Variants in ZRANB1 observed in about 807,000 individuals in gnomAD.
ZRANB1 encodes the protein zinc finger RANBP2-type containing 1, also known as ubiquitin thioesterase ZRANB1.
In ZRANB1, 16 loss-of-function variants were observed where a neutral mutation model predicts 80.5. The ratio of observed to expected loss-of-function variants is 0.20; its 90% CI spans 0.13 to 0.30. The LOEUF is 0.30. Ranked by LOEUF, ZRANB1 falls within the 10% of genes least tolerant of loss-of-function variation. The pLI, the probability that ZRANB1 is intolerant of heterozygous loss-of-function variation, is 1.00. For synonymous variants in ZRANB1, 291 were observed against 293.1 expected (o/e 0.99, Z 0.07); for missense variants, 576 against 862.6 (o/e 0.67, Z 4.16).
rs550936582 is a variant in ZRANB1, at chr10:124,982,484, C to T, written c.1548+655C>T. On this transcript the variant is annotated intron_variant, in intron 6 of 8. Coordinates refer to ENST00000359653, the MANE Select transcript of ZRANB1 (RefSeq NM_017580.3). Reference sequence around the variant, plus strand: ...AATGAAGGCTGCTTGTGACACAGAACTGTGTAGGGTTGTCCCTTAGACTCT... The same window carrying T: ...AATGAAGGCTGCTTGTGACACAGAATTGTGTAGGGTTGTCCCTTAGACTCT... Among the ~76,000 whole-genome samples, 3 of 152,306 alleles carry T rather than the reference C, an allele frequency of 2.0e-5. No individual in the cohort carries two copies. In the South Asian group the frequency reaches 6.2e-4, roughly 32 times the overall value.
At chr10:124,943,842 A>G (rs990340242) in intron 1 of ZRANB1, among the ~76,000 whole-genome samples, 1 of 152,238 alleles carries the variant, frequency 6.6e-6, no homozygotes, top group African/African-American at 2.4e-5. Flanking sequence ...AAGTATTTGT[A>G]AACAGTGTGA....
At chr10:124,951,815 G>T (rs1244992071) in intron 1 of ZRANB1, among the ~76,000 whole-genome samples, 1 of 151,870 alleles carries the variant, frequency 6.6e-6, no homozygotes, top group African/African-American at 2.4e-5. Flanking sequence ...AAATTAGCTG[G>T]GTGTGGTGGC....
Position 124,966,640 on chromosome 10 carries a change from A to G in ZRANB1, c.861A>G (p.Ser287=), listed in dbSNP as rs746291884. The change falls in exon 2 of 9, where the codon TCA becomes TCG. Residue 287 remains serine (S), a synonymous_variant. Transcript: ENST00000359653. ...CTGCCATAGAAGCATACAAGTCATC[A>G]GGAGGAGACATTGCACGTCAGCTCA... The part of the protein sequence containing the change: ...DLAAIEAYKS[S]GGDIARQLTA... 9 of 1,614,200 alleles carry G rather than the reference A, an allele frequency of 5.6e-6. No homozygotes were observed. The highest frequency in any genetic ancestry group is 6.8e-6 in the Non-Finnish European group (8 of 1,180,024).
intron 5 of ZRANB1, among the ~76,000 whole-genome samples, chr10:124,977,503 A>T (rs539565700): frequency 6.6e-6 from 1 of 151,784 alleles, no homozygotes; most frequent in South Asian, 2.1e-4. Context: ...TGAGCCTAGG[A>T]GTTCAAGACA....
At chr10:124,963,546 T>G (rs565873712) in intron 1 of ZRANB1, among the ~76,000 whole-genome samples, 1,792 of 130,788 alleles carry the variant, frequency 0.014, 35 homozygotes, top group African/African-American at 0.046. Flanking sequence ...GGTTTTTTTT[T>G]TTTGTTTGTT....
upstream of ZRANB1, among the ~76,000 whole-genome samples, chr10:124,939,089 T>C (rs1235138915): frequency 6.6e-6 from 1 of 152,046 alleles, no homozygotes; most frequent in East Asian, 1.9e-4. Flanking sequence ...AGGCAGGAGA[T>C]TCACTTGAAC....
chr10:124,971,862 C>A (rs1951828959), intron 2 of ZRANB1, 103 bp from the exon 3 acceptor site: 1 of 1,125,998 alleles, frequency 8.9e-7, no homozygotes, highest in Non-Finnish European at 1.2e-6. Context: ...TTAAAGAAAA[C>A]CTTGAGTTAT....
At chr10:124,955,267 A>C (rs1951680050) in intron 1 of ZRANB1, among the ~76,000 whole-genome samples, 1 of 149,002 alleles carries the variant, frequency 6.7e-6, no homozygotes, top group South Asian at 2.1e-4. Context: ...ACAGGGTCTT[A>C]CTGTGTTGCG....
chr10:124,922,279 A>ATAT, the ZRANB1 span, among the ~76,000 whole-genome samples: 14 of 37,816 alleles, frequency 3.7e-4, no homozygotes, highest in African/African-American at 7.6e-4. Context: ...ATATATATGT[A>ATAT]AAATATATAT....
At chr10:124,954,140 G>GTTT (rs55962412) in intron 1 of ZRANB1, among the ~76,000 whole-genome samples, 3,836 of 52,576 alleles carry the variant, frequency 0.073, 666 homozygotes, top group African/African-American at 0.094. Context: ...GCTAATTCCT[G>GTTT]TTTTTTTTTT....
intron 1 of ZRANB1, chr10:124,945,867 G>C (rs1951577796): frequency 6.6e-6 from 1 of 152,108 alleles, no homozygotes; most frequent in Non-Finnish European, 1.5e-5. Flanking sequence ...GCTCACTGCA[G>C]CCTTGACTTC....
the ZRANB1 span, among the ~76,000 whole-genome samples, chr10:124,919,439 C>A: frequency 1.3e-5 from 2 of 151,822 alleles, no homozygotes; most frequent in African/African-American, 4.8e-5. Flanking sequence ...CCCAGCTACT[C>A]GGGAGGCTGA....
At chr10:124,952,397 G>A (rs1460164330) in intron 1 of ZRANB1, among the ~76,000 whole-genome samples, 2 of 152,156 alleles carry the variant, frequency 1.3e-5, no homozygotes, top group African/African-American at 2.4e-5. Flanking sequence ...AATGCCAGCA[G>A]CCTCTAGGAG....
intron 1 of ZRANB1, among the ~76,000 whole-genome samples, chr10:124,947,310 G>A (rs1021755834): frequency 6.6e-6 from 1 of 152,126 alleles, no homozygotes; most frequent in South Asian, 2.1e-4. Flanking sequence ...GGTACATCAG[G>A]TTTTTAGGGC....
chr10:124,958,958 G>A (rs565091729), intron 1 of ZRANB1, among the ~76,000 whole-genome samples: 35 of 152,310 alleles, frequency 2.3e-4, no homozygotes, highest in Non-Finnish European at 4.0e-4. Context: ...TTACAGCGGC[G>A]AGCCTTGGCA....
chr10:124,983,762 G>A lies in ZRANB1; in HGVS notation c.1908+74G>A, dbSNP rs1951964670. On this transcript the variant is annotated intron_variant, in intron 8 of 8. Transcript: ENST00000359653. This position sits in a 1 kb window ranked among gnomAD's most constrained non-coding sequence, Gnocchi z 6.2. Reference sequence around the variant, plus strand: ...AAACAGCCTGAAGTGCCTTTCAGGTGTGGTTTTATCTGCACTATCACTTAA... The same window carrying A: ...AAACAGCCTGAAGTGCCTTTCAGGTATGGTTTTATCTGCACTATCACTTAA... 1.7e-6 allele frequency: 2 copies of A among 1,144,594 alleles called. No individual in the cohort carries two copies. Among genetic ancestry groups the A allele is most frequent in the African/African-American group, 1.5e-5 (1 of 65,050 alleles). 70.9% of individuals were successfully genotyped at this position (1,144,594 alleles called of 1,614,324 possible). A position where few individuals can be genotyped will look rare whatever the true frequency, so the allele number is the denominator to read the frequency against.
chr10:124,917,464 G>C, the ZRANB1 span, among the ~76,000 whole-genome samples: 2 of 151,930 alleles, frequency 1.3e-5, no homozygotes, highest in Non-Finnish European at 2.9e-5. Flanking sequence ...CCGGTTGCGG[G>C]GACGGCCCGG....
At chr10:124,937,651 C>T (rs955421930), upstream of ZRANB1, among the ~76,000 whole-genome samples, 4 of 152,102 alleles carry the variant, frequency 2.6e-5, no homozygotes, top group African/African-American at 9.7e-5. Context: ...AAAAAATGTT[C>T]CATTATGTAA....
chr10:124,940,234 T>A (rs1589837448), upstream of ZRANB1, among the ~76,000 whole-genome samples: 1 of 152,226 alleles, frequency 6.6e-6, no homozygotes, highest in Non-Finnish European at 1.5e-5. Context: ...TTTTGTTAAA[T>A]TAAAATTCTA....
Sources: gnomAD v4.1 joint callset for allele counts (sites outside exome capture counted in the v4.1 genomes callset) on GRCh38, gnomAD v4.1.1 for gene constraint, Gnocchi (gnomAD v3.1) non-coding constraint, MANE v1.5 for transcripts, NCBI Gene and HGNC (gene_info 2026-07-23, HGNC 2026-07-21) for gene names.